METTL17: variants seen among roughly 807,000 people sequenced by gnomAD.
METTL17 encodes the protein methyltransferase like 17.
In METTL17, 49 loss-of-function variants were observed where a neutral mutation model predicts 59.4. The observed-to-expected ratio is 0.82, with a 90% CI of 0.66 to 1.05. The LOEUF (loss-of-function observed/expected upper bound fraction) is 1.05. METTL17 is among the 50% of genes least tolerant of loss of function. METTL17 has a pLI of 0.00. For missense variants in METTL17, 555 were observed against 578.4 expected (o/e 0.96, Z 0.41); for synonymous variants, 208 against 209.2 (o/e 0.99, Z 0.05).
chr14:20,996,068 C>T, intron 11 of METTL17, 117 bp downstream of exon 11: 2 of 1,299,828 alleles, frequency 1.5e-6, no homozygotes, highest in Non-Finnish European at 2.2e-6. Context: ...CCAGTTCCTA[C>T]CTAATGATTC....
chr14:20,993,123 G>A lies in METTL17; in HGVS notation c.534G>A (p.Arg178=), dbSNP rs1383007410. The change falls in exon 6 of 14, where the codon CGG becomes CGA. Residue 178 remains arginine (R), a synonymous_variant. Coordinates refer to ENST00000339374, the MANE Select transcript of METTL17 (RefSeq NM_022734.3). ...GATGTTGTATATTTCTTCAGATCCGGGCTCGAAATCCAGCATTTCAGCCAC... is the reference window on the plus strand; with the variant it reads ...GATGTTGTATATTTCTTCAGATCCGAGCTCGAAATCCAGCATTTCAGCCAC... The part of the protein sequence containing the change: ...AAVSRAFHEI[R]ARNPAFQPQT... The A allele has an allele frequency of 6.2e-6, 10 of 1,613,986 alleles. No homozygotes were observed. Among genetic ancestry groups the A allele is most frequent in the Admixed American group, 3.3e-5 (2 of 60,002 alleles).
At chr14:20,990,688 C>A in intron 3 of METTL17, 90 bp downstream of exon 3, 2 of 1,481,386 alleles carry the variant, frequency 1.4e-6, no homozygotes, top group South Asian at 1.3e-5. Flanking sequence ...CTCTCAGATA[C>A]TGAAGTCTCT....
At chr14:20,993,587 G>C in intron 6 of METTL17, 1 of 224,138 alleles carries the variant, frequency 4.5e-6, no homozygotes, top group Non-Finnish European at 8.8e-6. Context: ...TGATTCTCCT[G>C]CCTCACCCTC....
At chr14:20,995,634 T>C (rs1880323597) in intron 10 of METTL17, among the ~76,000 whole-genome samples, 1 of 152,156 alleles carries the variant, frequency 6.6e-6, no homozygotes, top group Non-Finnish European at 1.5e-5. Context: ...TAAATTTAAT[T>C]GTCCTGGAGT....
chr14:20,996,516 C>T lies in METTL17; in HGVS notation c.1081-11C>T, dbSNP rs1880383594. 6.2e-7 allele frequency: 1 copy of T among 1,606,284 alleles called. No homozygotes were observed. The highest frequency in any genetic ancestry group is 8.5e-7 in the Non-Finnish European group (1 of 1,174,708). On this transcript the variant is annotated splice_polypyrimidine_tract_variant and intron_variant, in intron 12 of 13. Coordinates refer to ENST00000339374, the MANE Select transcript of METTL17 (RefSeq NM_022734.3). ...TTTTCTTCTAAACAGTCTCTATGTT[C>T]CTTATCTTAGAACAAGAAACCAAAG...
At chr14:20,995,343 TG>T in intron 10 of METTL17, 110 bp downstream of exon 10, 1 of 971,000 alleles carries the variant, frequency 1.0e-6, no homozygotes, top group Non-Finnish European at 1.6e-6. Context: ...CTCAGGAAAC[TG>T]GGCGTATGAA....
chr14:20,990,638 A>G lies in METTL17; in HGVS notation c.364+40A>G, dbSNP rs751398134. On this transcript the variant is annotated intron_variant, in intron 3 of 13. Coordinates refer to ENST00000339374, the MANE Select transcript of METTL17 (RefSeq NM_022734.3). ...TAATTAAAAAGTGGGCGAGATTGAA[A>G]TATCGGTTAGAAATGAAGAGTAAGA... 5.0e-6 allele frequency: 8 copies of G among 1,610,786 alleles called. No individual in the cohort carries two copies. The Admixed American group carries it at 1.0e-4, about 20-fold the overall frequency.
intron 11 of METTL17, 83 bp downstream of exon 11, chr14:20,996,034 C>T (rs1319109988): frequency 6.8e-7 from 1 of 1,464,876 alleles, no homozygotes; most frequent in African/African-American, 1.4e-5. Flanking sequence ...AGCTAAGCCA[C>T]TCTCCACTAC....
At chr14:20,993,684 A>G (rs947557562) in intron 6 of METTL17, 2 of 239,360 alleles carry the variant, frequency 8.4e-6, no homozygotes, top group African/African-American at 2.3e-5. Flanking sequence ...CATATTGGCC[A>G]GGCTGGTCTC....
chr14:20,992,898 CAAAAT>C lies in METTL17; in HGVS notation c.529-216_529-212del. On this transcript the variant is annotated intron_variant, in intron 5 of 13. Coordinates refer to ENST00000339374, the MANE Select transcript of METTL17 (RefSeq NM_022734.3). Reference sequence around the variant, plus strand: ...GAGACCTCATCTCTTAAAAAAAACACAAAATAAAGACGTTCTCTTTATCCTGTGAA... The same window carrying C: ...GAGACCTCATCTCTTAAAAAAAACACAAAGACGTTCTCTTTATCCTGTGAA... The C allele has an allele frequency of 1.3e-5, 8 of 604,320 alleles. No individual in the cohort carries two copies. The South Asian group carries it at 1.6e-4, about 12-fold the overall frequency. 37.4% of individuals were successfully genotyped at this position (604,320 alleles called of 1,614,324 possible).
At chr14:20,990,129 T>C (rs1235954885) in intron 1 of METTL17, 52 bp downstream of exon 1, 1 of 1,611,698 alleles carries the variant, frequency 6.2e-7, no homozygotes, top group East Asian at 2.2e-5. Context: ...TGCAGAGACA[T>C]CTCCGCGCAG....
intron 3 of METTL17, 97 bp downstream of exon 3, chr14:20,990,695 C>T (rs924108311): frequency 8.2e-6 from 12 of 1,456,416 alleles, no homozygotes; most frequent in Middle Eastern, 1.9e-4. Flanking sequence ...ATACTGAAGT[C>T]TCTTATTTGA....
At chr14:20,994,768 GT>G (rs778013710) in intron 8 of METTL17, 25 bp from the exon 9 acceptor site, 1 of 1,588,454 alleles carries the variant, frequency 6.3e-7, no homozygotes. Flanking sequence ...TGTTGAGTCT[GT>G]CATGTTCCTT....
intron 6 of METTL17, chr14:20,993,751 G>C (rs1339498467): frequency 2.9e-6 from 1 of 342,676 alleles, no homozygotes; most frequent in Non-Finnish European, 5.3e-6. Context: ...GGGATTACAA[G>C]CATGAGCCAC....
At chr14:20,995,648 A>AT (rs770267376) in intron 10 of METTL17, among the ~76,000 whole-genome samples, 1 of 152,048 alleles carries the variant, frequency 6.6e-6, no homozygotes, top group Non-Finnish European at 1.5e-5. Flanking sequence ...CTGGAGTGGG[A>AT]TTTTTTTGAG....
chr14:20,990,318 T>C lies in METTL17; in HGVS notation c.164T>C (p.Ile55Thr). 23 of 1,614,204 alleles carry C rather than the reference T, an allele frequency of 1.4e-5. No homozygotes were observed. The highest frequency in any genetic ancestry group is 1.9e-5 in the Non-Finnish European group (23 of 1,180,036). ...AGGCCTCATCGCCAGCACCCTGGCA[T>C]CCTAAAGCTGCCGCACGTGCGGCTG... ...QKRPHRQHPG[I>T]LKLPHVRLPQ... The change falls in exon 2 of 14, where the codon ATC (isoleucine) becomes ACC (threonine). Residue 55 changes from isoleucine to threonine, a missense_variant. Ile to Thr is a moderately conservative substitution (Grantham distance 89, BLOSUM62 -1). Coordinates refer to ENST00000339374, the MANE Select transcript of METTL17 (RefSeq NM_022734.3).
chr14:20,990,643 G>A (rs759306930), intron 3 of METTL17, 45 bp downstream of exon 3: 1 of 1,608,038 alleles, frequency 6.2e-7, no homozygotes, highest in Non-Finnish European at 8.5e-7. Flanking sequence ...TTGAAATATC[G>A]GTTAGAAATG....
At position 20,990,285 on chromosome 14, in the gene METTL17, T is replaced by G. The variant is rs769200111; in HGVS notation, c.131T>G (p.Leu44Arg). The G allele has an allele frequency of 6.2e-7, 1 of 1,614,238 alleles. No individual in the cohort carries two copies. Among genetic ancestry groups the G allele is most frequent in the South Asian group, 1.1e-5 (1 of 91,086 alleles). The change falls in exon 2 of 14, where the codon CTG becomes CGG. Residue 44 changes from leucine to arginine, a missense_variant. By Grantham distance (102) the Leu-to-Arg change is moderately radical. Transcript: ENST00000339374. ...CAGGTAGATAACAAGTCCGGTTTCC[T>G]GCAGAAGAGGCCTCATCGCCAGCAC... Reference protein sequence around the residue: ...VTQVDNKSGFLQKRPHRQHPG... With the variant: ...VTQVDNKSGFRQKRPHRQHPG...
chr14:20,992,270 G>A (rs1880071502), intron 4 of METTL17, 65 bp downstream of exon 4: 3 of 988,748 alleles, frequency 3.0e-6, no homozygotes, highest in Non-Finnish European at 4.7e-6. Context: ...AGTTGGGGGA[G>A]TACAATTACA....
Sources: gnomAD v4.1 joint callset for allele counts (sites outside exome capture counted in the v4.1 genomes callset) on GRCh38, gnomAD v4.1.1 for gene constraint, MANE v1.5 for transcripts, NCBI Gene and HGNC (gene_info 2026-07-23, HGNC 2026-07-21) for gene names.